ARHGEF12: variants seen among roughly 807,000 people sequenced by gnomAD.
ARHGEF12 encodes the protein KMT2A/ARHGEF12 fusion protein.
Under a neutral mutation model 211.2 loss-of-function variants are expected in ARHGEF12, and 66 were observed. The ratio of observed to expected loss-of-function variants is 0.31; its 90% CI spans 0.26 to 0.38. The LOEUF is 0.38. ARHGEF12 is among the 10% of genes least tolerant of loss of function. The pLI is 1.00. For synonymous variants in ARHGEF12, 592 were observed against 638.4 expected, an observed-to-expected ratio of 0.93 and a Z score of 1.09; for missense variants, 1,429 against 1,869.5, an observed-to-expected ratio of 0.76 and a Z score of 4.34.
At chr11:120,410,390 A>C (rs1944846588) in intron 4 of ARHGEF12, 2 of 151,798 alleles carry the variant, frequency 1.3e-5, no homozygotes, top group South Asian at 4.2e-4. Context: ...AAGACTGATA[A>C]ATTATTTCTT....
Position 120,449,474 on chromosome 11 carries a change from G to A in ARHGEF12, c.1843+260G>A, listed in dbSNP as rs189095364. Reference sequence around the variant, plus strand: ...CCAGCAGTTTGGGAGGCTGAGGCAGGCGGATCACAAGTTCAGGAGATCGAG... The same window carrying A: ...CCAGCAGTTTGGGAGGCTGAGGCAGACGGATCACAAGTTCAGGAGATCGAG... On this transcript the variant is annotated intron_variant, in intron 21 of 40. Coordinates refer to ENST00000397843, the MANE Select transcript of ARHGEF12 (RefSeq NM_015313.3). 9.3e-4 allele frequency: 330 copies of A among 355,552 alleles called. 2 individuals are homozygous for A. The highest frequency in any genetic ancestry group is 6.2e-4 in the Non-Finnish European group (121 of 195,632). 22.0% of individuals were successfully genotyped at this position (355,552 alleles called of 1,614,324 possible).
rs1194530589 is a variant in ARHGEF12, at chr11:120,485,095, G to A, written c.*18G>A. 1.2e-6 allele frequency: 2 copies of A among 1,613,456 alleles called. No homozygotes were observed. The highest frequency in any genetic ancestry group is 2.2e-5 in the South Asian group (2 of 90,980). On this transcript the variant is annotated 3_prime_UTR_variant, in exon 41 of 41. Coordinates refer to ENST00000397843, the MANE Select transcript of ARHGEF12 (RefSeq NM_015313.3). ...AAAGTTAGAGCCGCATGTCCTGGAGGTGACTGCAGGTTGTTGGATTTGGAG... is the reference window on the plus strand; with the variant it reads ...AAAGTTAGAGCCGCATGTCCTGGAGATGACTGCAGGTTGTTGGATTTGGAG...
At chr11:120,388,212 G>A (rs9665792) in intron 1 of ARHGEF12, among the ~76,000 whole-genome samples, 2,011 of 152,156 alleles carry the variant, frequency 0.013, 54 homozygotes, top group African/African-American at 0.046. Context: ...CTTTTTGTAA[G>A]TGAACTCACA....
intron 4 of ARHGEF12, among the ~76,000 whole-genome samples, chr11:120,417,104 CTACTT>C (rs751835408): frequency 5.3e-5 from 8 of 152,074 alleles, no homozygotes; most frequent in Non-Finnish European, 1.2e-4. Flanking sequence ...ATTAAGCTAA[CTACTT>C]TATATATTTT....
rs10437691 is a variant in ARHGEF12 at position 120,452,313 on chromosome 11, G to C, written c.2056+589G>C. On this transcript the variant is annotated intron_variant, in intron 22 of 40. Coordinates refer to ENST00000397843, the MANE Select transcript of ARHGEF12 (RefSeq NM_015313.3). ...ACTATTTACTGAGAGTGAGAGTTCA[G>C]TGAGAAGAGCAAGGGAATTTGAAGA... Among the ~76,000 whole-genome samples the C allele has an allele frequency of 6.1e-3, 934 of 152,278 alleles. 8 individuals carry two copies. Among genetic ancestry groups the C allele is most frequent in the African/African-American group, 0.022 (911 of 41,550 alleles).
At chr11:120,418,492 T>C (rs1945093786) in intron 4 of ARHGEF12, among the ~76,000 whole-genome samples, 1 of 152,252 alleles carries the variant, frequency 6.6e-6, no homozygotes. Context: ...TGGGCTCTTA[T>C]GAATAAAACT....
At chr11:120,396,946 A>G (rs115012665) in intron 1 of ARHGEF12, among the ~76,000 whole-genome samples, 1 of 152,218 alleles carries the variant, frequency 6.6e-6, no homozygotes, top group Non-Finnish European at 1.5e-5. Flanking sequence ...GAATCTCTAT[A>G]TGAGTTTAGT....
chr11:120,344,265 C>CAAAAAAAAAAAAAAA (rs71473103), intron 1 of ARHGEF12, among the ~76,000 whole-genome samples: 1 of 53,024 alleles, frequency 1.9e-5, no homozygotes, highest in African/African-American at 7.2e-5. Flanking sequence ...GACTCCGTCT[C>CAAAAAAAAAAAAAAA]AAAAAAAAAA....
intron 1 of ARHGEF12, among the ~76,000 whole-genome samples, chr11:120,369,908 T>C (rs570641901): frequency 5.0e-4 from 76 of 152,254 alleles, no homozygotes; most frequent in African/African-American, 1.7e-3. Flanking sequence ...CTGGGTATTT[T>C]CCCCCGATCC....
chr11:120,449,411 C>G, intron 21 of ARHGEF12, 197 bp downstream of exon 21: 1 of 517,486 alleles, frequency 1.9e-6, no homozygotes, highest in Non-Finnish European at 3.4e-6. Flanking sequence ...TCATAAACAT[C>G]TTTCGTGGGC....
Position 120,480,056 on chromosome 11 carries a change from C to A in ARHGEF12, c.3863C>A (p.Ser1288Tyr). 3.7e-6 allele frequency: 6 copies of A among 1,614,170 alleles called. No homozygotes were observed. The highest frequency in any genetic ancestry group is 5.1e-6 in the Non-Finnish European group (6 of 1,180,050). Residue 1288 changes from serine (S) to tyrosine (Y), a missense_variant, in exon 38 of 41, where the codon TCT becomes TAT. Ser to Tyr is a moderately radical substitution (Grantham distance 144). Around this residue, in one of 7 missense-constraint regions of ARHGEF12, gnomAD observed 467 missense variants for 468.4 expected, o/e 1.00. Coordinates refer to ENST00000397843, the MANE Select transcript of ARHGEF12 (RefSeq NM_015313.3). Reference sequence around the variant, plus strand: ...CATTTCCCAAGATACAGAACAGCCTCTCAGGGGCCGCAGACAGACAGTGTC... The same window carrying A: ...CATTTCCCAAGATACAGAACAGCCTATCAGGGGCCGCAGACAGACAGTGTC... The part of the protein sequence containing the change: ...WQHFPRYRTA[S>Y]QGPQTDSVIQ...
chr11:120,458,770 G>A (rs1166496286), intron 25 of ARHGEF12: 1 of 160,554 alleles, frequency 6.2e-6, no homozygotes, highest in Non-Finnish European at 1.4e-5. Context: ...GAAATTATAA[G>A]CCTGACCCCA....
In ARHGEF12 at chr11:120,441,711, A is replaced by G; in HGVS notation, c.1097A>G (p.Asn366Ser). ...DDFGTEHEQINGQCSCFQSIE... is the reference protein window; with the variant it reads ...DDFGTEHEQISGQCSCFQSIE... ...CATAATCATTTCTTCCTCTAGATCA[A>G]TGGACAGTGCAGCTGTTTCCAGAGC... Residue 366 changes from asparagine to serine, a missense_variant, in exon 14 of 41, where the codon AAT becomes AGT. By Grantham distance (46) the Asn-to-Ser change is conservative (BLOSUM62 1). This residue lies in a region of ARHGEF12 where 254 missense variants were observed against 286.4 expected (regional missense o/e 0.89). Coordinates refer to ENST00000397843, the MANE Select transcript of ARHGEF12 (RefSeq NM_015313.3). The G allele has an allele frequency of 6.2e-7, 1 of 1,613,240 alleles. No homozygotes were observed. The highest frequency in any genetic ancestry group is 1.3e-5 in the African/African-American group (1 of 75,038).
chr11:120,392,687 A>G (rs563738222), intron 1 of ARHGEF12, among the ~76,000 whole-genome samples: 22 of 152,358 alleles, frequency 1.4e-4, no homozygotes, highest in Admixed American at 1.4e-3. Context: ...TCTTGCCATC[A>G]AAATCATCCT....
intron 1 of ARHGEF12, among the ~76,000 whole-genome samples, chr11:120,392,461 C>T (rs940026958): frequency 2.0e-5 from 3 of 152,270 alleles, no homozygotes; most frequent in East Asian, 1.9e-4. Flanking sequence ...TGTTCATTAA[C>T]GTAACCTCCA....
chr11:120,394,396 G>A (rs561506792), intron 1 of ARHGEF12, among the ~76,000 whole-genome samples: 2 of 151,736 alleles, frequency 1.3e-5, no homozygotes, highest in African/African-American at 2.4e-5. Context: ...GGGTCTCACT[G>A]TGTTGCCCAG....
In ARHGEF12 at chr11:120,487,793, A is replaced by C. The variant is rs1190623790; in HGVS notation, c.*2716A>C. On this transcript the variant is annotated 3_prime_UTR_variant, in exon 41 of 41. Coordinates refer to ENST00000397843, the MANE Select transcript of ARHGEF12 (RefSeq NM_015313.3). ...CTATGAAGTGGCAAATTACATGTAG[A>C]GTGTCTCCTTCCTTTTCAGAGAACA... is the stretch of plus-strand genomic sequence containing the variant. The C allele has an allele frequency of 1.4e-5, 3 of 220,870 alleles. No individual in the cohort carries two copies. 13.7% of individuals were successfully genotyped at this position (220,870 alleles called of 1,614,324 possible).
chr11:120,389,276 A>G (rs997691906), intron 1 of ARHGEF12, among the ~76,000 whole-genome samples: 1 of 152,206 alleles, frequency 6.6e-6, no homozygotes, highest in Non-Finnish European at 1.5e-5. Context: ...TTATTGAGAT[A>G]TAATTCACAT....
At position 120,449,184 on chromosome 11, in the gene ARHGEF12, C is replaced by T. The variant is rs773062414; in HGVS notation, c.1813C>T (p.Arg605Trp). The T allele has an allele frequency of 1.9e-6, 3 of 1,614,084 alleles. No individual in the cohort carries two copies. The highest frequency in any genetic ancestry group is 8.5e-7 in the Non-Finnish European group (1 of 1,179,984). ...RGFPSILGPP[R>W]RPSRHDNSAI... ...ATTCCCCAGCATCCTGGGACCCCCA[C>T]GGAGACCAAGCCGTCATGACAACAG... The change falls in exon 21 of 41, where the codon CGG becomes TGG. Residue 605 changes from arginine (R) to tryptophan (W), a missense_variant. By Grantham distance (101) the Arg-to-Trp change is moderately radical (BLOSUM62 -3). Around this residue, in one of 7 missense-constraint regions of ARHGEF12, gnomAD observed 373 missense variants for 467.5 expected, o/e 0.80. Transcript: ENST00000397843.
Sources: gnomAD v4.1 joint callset for allele counts (sites outside exome capture counted in the v4.1 genomes callset) on GRCh38, gnomAD v4.1.1 for gene constraint, gnomAD v4.1.1 regional missense constraint, MANE v1.5 for transcripts, NCBI Gene and HGNC (gene_info 2026-07-23, HGNC 2026-07-21) for gene names.